SHROOM3: variants seen among roughly 807,000 people sequenced by gnomAD.
SHROOM3 encodes shroom family member 3.
In SHROOM3, 47 loss-of-function variants were observed where a neutral mutation model predicts 138.6. That is an observed-to-expected ratio of 0.34 (90% CI 0.27 to 0.43). The LOEUF (loss-of-function observed/expected upper bound fraction) is 0.43, where lower values mean the gene tolerates loss of function less well. Among genes scored for constraint, SHROOM3 ranks in the 20% least tolerant of loss-of-function variants. SHROOM3 has a pLI of 1.00. For missense variants in SHROOM3, 2,491 were observed against 2,596.5 expected (o/e 0.96, Z 0.88); for synonymous variants, 1,062 against 1,063.3 (o/e 1.00, Z 0.02).
chr4:76,739,708 C>T lies in SHROOM3; in HGVS notation c.1535C>T (p.Ala512Val). The T allele has an allele frequency of 6.2e-7, 1 of 1,614,202 alleles. No individual in the cohort carries two copies. The highest frequency in any genetic ancestry group is 2.2e-5 in the East Asian group (1 of 44,884). ...CCTCAGGGAGCATGCAACAAGATGG[C>T]TACCATTGATGAGAATGGGAACCAG... is the stretch of plus-strand genomic sequence containing the variant. ...IAPQGACNKM[A>V]TIDENGNQNG... The change falls in exon 5 of 11, where the codon GCT becomes GTT. Residue 512 changes from alanine (A) to valine (V), a missense_variant. By Grantham distance (64) the Ala-to-Val change is moderately conservative (BLOSUM62 0). Transcript: ENST00000296043.
At chr4:76,649,168 C>T (rs1735900316) in intron 2 of SHROOM3, among the ~76,000 whole-genome samples, 1 of 152,132 alleles carries the variant, frequency 6.6e-6, no homozygotes, top group African/African-American at 2.4e-5. Context: ...TCCTTCTGAT[C>T]TCAGAGACCC....
At chr4:76,685,219 T>A (rs1301990106) in intron 2 of SHROOM3, among the ~76,000 whole-genome samples, 1 of 152,218 alleles carries the variant, frequency 6.6e-6, no homozygotes, top group Non-Finnish European at 1.5e-5. Context: ...AACTTATATA[T>A]AAGTTGTTTC....
chr4:76,580,439 G>C (rs892922130), intron 2 of SHROOM3, among the ~76,000 whole-genome samples: 1 of 148,280 alleles, frequency 6.7e-6, no homozygotes, highest in Non-Finnish European at 1.5e-5. Flanking sequence ...GTGACCTTGG[G>C]CAAGTTCTTT....
intron 2 of SHROOM3, among the ~76,000 whole-genome samples, chr4:76,561,952 G>A (rs555438797): frequency 2.0e-5 from 3 of 152,050 alleles, no homozygotes; most frequent in African/African-American, 4.8e-5. Flanking sequence ...CGGAGGTTAC[G>A]GTGAGCCAAG....
chr4:76,503,167 CCA>C (rs111393161), intron 1 of SHROOM3, among the ~76,000 whole-genome samples: 15,997 of 145,794 alleles, frequency 0.11, 946 homozygotes, highest in South Asian at 0.21. Context: ...TTGTCAACTT[CCA>C]CACACACACA....
At chr4:76,669,395 C>A (rs944227006) in intron 2 of SHROOM3, among the ~76,000 whole-genome samples, 3 of 152,042 alleles carry the variant, frequency 2.0e-5, no homozygotes, top group African/African-American at 7.2e-5. Context: ...CCGAGGCAGG[C>A]AGATCACTTG....
At chr4:76,508,234 T>C (rs1416907561) in intron 1 of SHROOM3, among the ~76,000 whole-genome samples, 2 of 152,222 alleles carry the variant, frequency 1.3e-5, no homozygotes, top group Admixed American at 6.5e-5. Flanking sequence ...TTTTTGTCTA[T>C]GGTATGAGCT....
intron 1 of SHROOM3, among the ~76,000 whole-genome samples, chr4:76,499,724 A>G (rs1269906306): frequency 6.6e-6 from 1 of 152,182 alleles, no homozygotes; most frequent in Admixed American, 6.5e-5. Context: ...CTTCCTGGAC[A>G]AGGAGCTCAG....
At chr4:76,474,485 C>G (rs1176533316) in intron 1 of SHROOM3, among the ~76,000 whole-genome samples, 1 of 151,990 alleles carries the variant, frequency 6.6e-6, no homozygotes, top group Non-Finnish European at 1.5e-5. Flanking sequence ...TGGGATAGTT[C>G]CATGCTTTGT....
chr4:76,758,513 G>A (rs931637792), intron 8 of SHROOM3: 1 of 150,662 alleles, frequency 6.6e-6, no homozygotes, highest in African/African-American at 2.4e-5. Context: ...GCATTGTCCT[G>A]TTGGGCATGA....
At chr4:76,564,255 G>T (rs959809190) in intron 2 of SHROOM3, among the ~76,000 whole-genome samples, 2 of 152,170 alleles carry the variant, frequency 1.3e-5, no homozygotes, top group African/African-American at 2.4e-5. Context: ...CCCTAGAGGG[G>T]AGATCAGTAT....
At chr4:76,504,754 G>C (rs956636077) in intron 1 of SHROOM3, among the ~76,000 whole-genome samples, 1 of 152,120 alleles carries the variant, frequency 6.6e-6, no homozygotes, top group Non-Finnish European at 1.5e-5. Flanking sequence ...CACTGAAATA[G>C]CATCTACATA....
intron 2 of SHROOM3, among the ~76,000 whole-genome samples, chr4:76,655,198 TC>T (rs2110090257): frequency 6.6e-6 from 1 of 152,232 alleles, no homozygotes; most frequent in South Asian, 2.1e-4. Flanking sequence ...TATGCAAATA[TC>T]CCCCACCTGA....
In SHROOM3 at chr4:76,740,887, G is replaced by A. The variant is rs1053959892; in HGVS notation, c.2714G>A (p.Arg905Gln). ...SSEPEREPEWRDRPGSPESPL... is the reference protein window; with the variant it reads ...SSEPEREPEWQDRPGSPESPL... ...GAGCCAGAGAGGGAGCCCGAGTGGC[G>A]GGACAGGCCCGGCTCGCCCGAATCG... The change falls in exon 5 of 11, where the codon CGG becomes CAG. Residue 905 changes from arginine (R) to glutamine (Q), a missense_variant. Physicochemically the swap from Arg to Gln is conservative, Grantham distance 43. This residue lies in a region of SHROOM3 where 1,733 missense variants were observed against 1,661.6 expected (regional missense o/e 1.04). Transcript: ENST00000296043. This position sits in a 1 kb window ranked among gnomAD's most constrained non-coding sequence, Gnocchi z 4.0. 1.0e-5 allele frequency: 16 copies of A among 1,530,536 alleles called. No individual in the cohort carries two copies. The highest frequency in any genetic ancestry group is 2.1e-5 in the Admixed American group (1 of 48,146). The allele number at this position is 1,530,536 out of a possible 1,614,324, so 94.8% of individuals were successfully genotyped here.
chr4:76,562,424 C>A (rs1733617656), intron 2 of SHROOM3, among the ~76,000 whole-genome samples: 1 of 152,132 alleles, frequency 6.6e-6, no homozygotes, highest in South Asian at 2.1e-4. Context: ...ATTTCTGTGA[C>A]CTTATATTTC....
chr4:76,754,412 C>T lies in SHROOM3; in HGVS notation c.3929C>T (p.Ser1310Phe), dbSNP rs1213699101. 1 of 1,614,166 alleles carries T rather than the reference C, an allele frequency of 6.2e-7. No homozygotes were observed. The highest frequency in any genetic ancestry group is 8.5e-7 in the Non-Finnish European group (1 of 1,180,016). The part of the protein sequence containing the change: ...GGSGCKAIGD[S>F]SVPSECPGTL... Reference sequence around the variant, plus strand: ...TCAGGCTGCAAAGCCATTGGTGATTCCTCCGTTCCTAGTGAATGTCCTGGA... The same window carrying T: ...TCAGGCTGCAAAGCCATTGGTGATTTCTCCGTTCCTAGTGAATGTCCTGGA... Residue 1310 changes from serine to phenylalanine, a missense_variant, in exon 7 of 11, where the codon TCC (serine) becomes TTC (phenylalanine). Ser to Phe is a radical substitution (Grantham distance 155). Coordinates refer to ENST00000296043, the MANE Select transcript of SHROOM3 (RefSeq NM_020859.4).
intron 9 of SHROOM3, among the ~76,000 whole-genome samples, chr4:76,768,324 C>T (rs1722230372): frequency 6.6e-6 from 1 of 152,232 alleles, no homozygotes; most frequent in African/African-American, 2.4e-5. Flanking sequence ...TCATCACACC[C>T]TGCCAGGCAT....
intron 1 of SHROOM3, among the ~76,000 whole-genome samples, chr4:76,500,047 A>C (rs1732057758): frequency 6.6e-6 from 1 of 152,214 alleles, no homozygotes; most frequent in Admixed American, 6.5e-5. Flanking sequence ...TGTTGCCTAA[A>C]GGCCTCACAG....
intron 2 of SHROOM3, among the ~76,000 whole-genome samples, chr4:76,581,897 C>T (rs962104432): frequency 5.3e-5 from 8 of 152,172 alleles, no homozygotes; most frequent in Admixed American, 5.2e-4. Context: ...TGGTCTCTAC[C>T]CTCACCATTG....
Sources: gnomAD v4.1 joint callset for allele counts (sites outside exome capture counted in the v4.1 genomes callset) on GRCh38, gnomAD v4.1.1 for gene constraint, gnomAD v4.1.1 regional missense constraint, Gnocchi (gnomAD v3.1) non-coding constraint, MANE v1.5 for transcripts, NCBI Gene and HGNC (gene_info 2026-07-23, HGNC 2026-07-21) for gene names.